The following MYO5B variants were observed in gnomAD, a reference collection of about 807,000 sequenced individuals.
MYO5B encodes the protein myosin VB.
A neutral mutation model predicts 229.3 loss-of-function variants in MYO5B; 143 were observed. That is an observed-to-expected ratio of 0.62 (90% CI 0.54 to 0.72). The LOEUF (loss-of-function observed/expected upper bound fraction) is 0.72. MYO5B is among the 30% of genes least tolerant of loss of function. The pLI is 0.00. For missense variants in MYO5B, 2,321 were observed against 2,331.0 expected (o/e 1.00, Z 0.09); for synonymous variants, 918 against 885.2 (o/e 1.04, Z -0.66).
At chr18:50,145,740 A>G (rs2032492039) in intron 1 of MYO5B, among the ~76,000 whole-genome samples, 1 of 152,150 alleles carries the variant, frequency 6.6e-6, no homozygotes, top group African/African-American at 2.4e-5. Flanking sequence ...TGAACCTACC[A>G]CTGGCTGTCC....
At chr18:49,896,402 C>A (rs2024779601) in intron 21 of MYO5B, among the ~76,000 whole-genome samples, 1 of 152,206 alleles carries the variant, frequency 6.6e-6, no homozygotes, top group Admixed American at 6.5e-5. Flanking sequence ...TCTATTTGAA[C>A]ACCGAATGCA....
chr18:49,922,797 T>C (rs1288299410), intron 17 of MYO5B, among the ~76,000 whole-genome samples: 1 of 152,018 alleles, frequency 6.6e-6, no homozygotes, highest in Non-Finnish European at 1.5e-5. Flanking sequence ...GTGGTACAAA[T>C]ACACATGTAA....
At chr18:50,094,641 C>A (rs1053962957) in intron 1 of MYO5B, among the ~76,000 whole-genome samples, 2 of 152,138 alleles carry the variant, frequency 1.3e-5, no homozygotes, top group African/African-American at 4.8e-5. Context: ...AGGGAAAAAA[C>A]CTATATGGAG....
chr18:50,039,067 CCT>C (rs923138759), intron 3 of MYO5B, among the ~76,000 whole-genome samples: 2 of 152,212 alleles, frequency 1.3e-5, no homozygotes, highest in Admixed American at 6.5e-5. Flanking sequence ...GTGAAAAACC[CCT>C]GAGTGCCTGA....
chr18:49,850,008 G>C (rs981965305), intron 31 of MYO5B: 1 of 374,216 alleles, frequency 2.7e-6, no homozygotes, highest in Non-Finnish European at 5.1e-6. Flanking sequence ...TCCCAGGGTG[G>C]GGCGGGCAGC....
intron 17 of MYO5B, among the ~76,000 whole-genome samples, chr18:49,917,397 G>C (rs905757683): frequency 4.6e-5 from 7 of 152,204 alleles, no homozygotes; most frequent in Non-Finnish European, 1.0e-4. Context: ...ACACCATGCA[G>C]CATCTTTGGA....
intron 16 of MYO5B, among the ~76,000 whole-genome samples, chr18:49,934,708 T>C (rs1465498398): frequency 2.0e-5 from 3 of 152,154 alleles, no homozygotes; most frequent in Non-Finnish European, 4.4e-5. Flanking sequence ...TTCCTAAGCA[T>C]GTCTCAGAGA....
intron 1 of MYO5B, among the ~76,000 whole-genome samples, chr18:50,123,408 A>G (rs181369321): frequency 2.4e-4 from 37 of 152,284 alleles, no homozygotes; most frequent in Admixed American, 1.2e-3. Flanking sequence ...TAAATGGGTA[A>G]TTGTATATTA....
chr18:49,861,990 T>C (rs1364139971), intron 29 of MYO5B, among the ~76,000 whole-genome samples: 2 of 147,674 alleles, frequency 1.4e-5, no homozygotes, highest in Admixed American at 6.8e-5. Flanking sequence ...AGAGGCCAGC[T>C]CCATGTTTTT....
intron 1 of MYO5B, among the ~76,000 whole-genome samples, chr18:50,152,437 T>C (rs1297498247): frequency 6.6e-6 from 1 of 152,346 alleles, no homozygotes; most frequent in East Asian, 1.9e-4. Context: ...CTCTAGTAAA[T>C]GTGCTACTGC....
chr18:50,032,714 G>A, intron 4 of MYO5B, among the ~76,000 whole-genome samples: 1 of 152,232 alleles, frequency 6.6e-6, no homozygotes, highest in Non-Finnish European at 1.5e-5. Flanking sequence ...GGCCGGGCAT[G>A]GAGGCTCATG....
At chr18:49,968,294 T>C (rs1320798609) in intron 10 of MYO5B, among the ~76,000 whole-genome samples, 1 of 152,218 alleles carries the variant, frequency 6.6e-6, no homozygotes, top group African/African-American at 2.4e-5. Flanking sequence ...AAAAGAGTTT[T>C]TACTTTCTGC....
intron 18 of MYO5B, among the ~76,000 whole-genome samples, chr18:49,909,697 G>A (rs2024937199): frequency 6.6e-6 from 1 of 152,250 alleles, no homozygotes; most frequent in Non-Finnish European, 1.5e-5. Context: ...AAGGAAGGGA[G>A]GAGGTGAGTG....
chr18:49,901,738 C>A (rs1480328497), intron 21 of MYO5B, among the ~76,000 whole-genome samples: 2 of 152,210 alleles, frequency 1.3e-5, no homozygotes, highest in African/African-American at 4.8e-5. Context: ...GACAGAGAGA[C>A]AGAAGGGCAA....
Position 49,912,088 on chromosome 18 carries a change from T to C in MYO5B, c.2176A>G (p.Arg726Gly). 6.2e-7 allele frequency: 1 copy of C among 1,614,146 alleles called. No individual in the cohort carries two copies. Among genetic ancestry groups the C allele is most frequent in the Non-Finnish European group, 8.5e-7 (1 of 1,180,010 alleles). Residue 726 changes from arginine to glycine, a missense_variant, in exon 18 of 40, where the codon AGG becomes GGG. Transcript: ENST00000285039. ...LANTDKKAICRSVLENLIKDP... is the reference protein window; with the variant it reads ...LANTDKKAICGSVLENLIKDP... The stretch of plus-strand genomic sequence containing the variant: ...TTGATGAGGTTCTCCAGGACAGACC[T>C]GCAGATGGCCTTTTTGTCTGTGTTG...
At chr18:49,924,508 C>T (rs2025108635) in intron 17 of MYO5B, among the ~76,000 whole-genome samples, 1 of 152,232 alleles carries the variant, frequency 6.6e-6, no homozygotes, top group Admixed American at 6.5e-5. Flanking sequence ...GCTCTTTCAG[C>T]TTTCTGGCAG....
chr18:49,848,177 T>C (rs901341682), intron 32 of MYO5B, among the ~76,000 whole-genome samples: 1 of 152,206 alleles, frequency 6.6e-6, no homozygotes, highest in Admixed American at 6.5e-5. Context: ...GACACATCTG[T>C]ACATTCACAT....
chr18:50,105,007 G>C (rs1183428566), intron 1 of MYO5B, among the ~76,000 whole-genome samples: 1 of 152,026 alleles, frequency 6.6e-6, no homozygotes, highest in East Asian at 1.9e-4. Flanking sequence ...GGACTCCAGA[G>C]GGGGTACACG....
chr18:49,882,623 T>C lies in MYO5B; in HGVS notation c.3046-2168A>G, dbSNP rs199746344. On this transcript the variant is annotated intron_variant, in intron 22 of 39. Transcript: ENST00000285039. ...AGCCTGGCAACAGATCAAGAAATCA[T>C]CTCAAAAAAAAAAAAAAAGAAAGAG... 1.4e-3 allele frequency among the ~76,000 whole-genome samples: 24 copies of C among 17,068 alleles called. No homozygotes were observed. The East Asian group carries it at 0.019, about 14-fold the overall frequency. 11.2% of individuals were successfully genotyped at this position (17,068 alleles called of 152,430 possible).
Sources: gnomAD v4.1 joint callset for allele counts (sites outside exome capture counted in the v4.1 genomes callset) on GRCh38, gnomAD v4.1.1 for gene constraint, MANE v1.5 for transcripts, NCBI Gene and HGNC (gene_info 2026-07-23, HGNC 2026-07-21) for gene names.